PRDM16: variants seen among roughly 807,000 people sequenced by gnomAD.
The protein encoded by PRDM16 is PR/SET domain 16.
PRDM16 carries 23 observed loss-of-function variants against 110.6 expected under a neutral mutation model. The observed-to-expected ratio is 0.21, with a 90% confidence interval of 0.15 to 0.29. The LOEUF is 0.29. Ranked by LOEUF, PRDM16 falls within the 10% of genes least tolerant of loss-of-function variation. The pLI is 1.00. For missense variants in PRDM16, 1,615 were observed against 1,794.3 expected (o/e 0.90, Z 1.81); for synonymous variants, 799 against 781.8 (o/e 1.02, Z -0.37).
Position 3,437,243 on chromosome 1 carries a change from G to A in PRDM16, c.*3432G>A, listed in dbSNP as rs866907653. The A allele has an allele frequency of 6.0e-5, 14 of 232,820 alleles. No individual in the cohort carries two copies. The Admixed American group carries it at 6.2e-4, about 10-fold the overall frequency. The allele number at this position is 232,820 out of a possible 1,614,324, so 14.4% of individuals were successfully genotyped here. On this transcript the variant is annotated 3_prime_UTR_variant, in exon 17 of 17. Coordinates refer to ENST00000270722, the MANE Select transcript of PRDM16 (RefSeq NM_022114.4). ...CGTGCAGCTGTCCCATCCAGACCCC[G>A]ACTGGCCAAGACCTCCACGTCCCCA...
chr1:3,412,071 T>C lies in PRDM16; in HGVS notation c.1874T>C (p.Leu625Pro), dbSNP rs747255671. 60 of 1,601,890 alleles carry C rather than the reference T, an allele frequency of 3.7e-5. No individual in the cohort carries two copies. Among genetic ancestry groups the C allele is most frequent in the Non-Finnish European group, 4.9e-5 (58 of 1,172,592 alleles). The part of the protein sequence containing the change: ...LDTTTGTGSD[L>P]DSDVDSDPDK... ...ACGACCACGGGGACGGGCTCGGACCTGGACAGCGACGTGGACAGCGACCCT... is the reference window on the plus strand; with the variant it reads ...ACGACCACGGGGACGGGCTCGGACCCGGACAGCGACGTGGACAGCGACCCT... Residue 625 changes from leucine to proline, a missense_variant, in exon 9 of 17, where the codon CTG becomes CCG. Physicochemically the swap from Leu to Pro is moderately conservative, Grantham distance 98. Around this residue, in one of 5 missense-constraint regions of PRDM16, gnomAD observed 772 missense variants for 748.3 expected, o/e 1.03. Coordinates refer to ENST00000270722, the MANE Select transcript of PRDM16 (RefSeq NM_022114.4).
chr1:3,323,879 C>T (rs931110507), intron 3 of PRDM16, among the ~76,000 whole-genome samples: 1 of 152,224 alleles, frequency 6.6e-6, no homozygotes, highest in Non-Finnish European at 1.5e-5. Context: ...CCAGGGGCTC[C>T]CCCGGCTCTG....
At chr1:3,349,721 TG>T (rs1427573437) in intron 3 of PRDM16, among the ~76,000 whole-genome samples, 1 of 152,110 alleles carries the variant, frequency 6.6e-6, no homozygotes, top group Non-Finnish European at 1.5e-5. Context: ...TCCTGCGCTC[TG>T]GGGGTCTTCA....
intron 3 of PRDM16, among the ~76,000 whole-genome samples, chr1:3,346,722 T>G (rs957316685): frequency 9.2e-5 from 14 of 152,152 alleles, no homozygotes; most frequent in Non-Finnish European, 1.3e-4. Context: ...GGGTCACTTC[T>G]GGTGCCCAAC....
intron 1 of PRDM16, among the ~76,000 whole-genome samples, chr1:3,111,447 A>T (rs540115785): frequency 6.1e-4 from 2 of 3,264 alleles, no homozygotes; most frequent in Admixed American, 3.3e-3. Flanking sequence ...GTGTGGACCC[A>T]GTGCCACGCG....
At chr1:3,310,572 G>T (rs1311518714) in intron 3 of PRDM16, among the ~76,000 whole-genome samples, 1 of 152,120 alleles carries the variant, frequency 6.6e-6, no homozygotes, top group African/African-American at 2.4e-5. Flanking sequence ...CCTGGGGAGA[G>T]AATGTTTGAC....
At chr1:3,096,993 G>C (rs1410257776) in intron 1 of PRDM16, among the ~76,000 whole-genome samples, 1 of 152,018 alleles carries the variant, frequency 6.6e-6, no homozygotes. Flanking sequence ...GTAGAGTCTC[G>C]GCTCCCTCTG....
rs1402520000 is a variant in PRDM16, at chr1:3,176,570, T to C, written c.38-9555T>C. On this transcript the variant is annotated intron_variant, in intron 1 of 16. Coordinates refer to ENST00000270722, the MANE Select transcript of PRDM16 (RefSeq NM_022114.4). ...TTAACCCATCCATGCACTCATTCATTTATCCATTCTTCCTTCCTTCTGTCC... is the reference window on the plus strand; with the variant it reads ...TTAACCCATCCATGCACTCATTCATCTATCCATTCTTCCTTCCTTCTGTCC... Among the ~76,000 whole-genome samples, 235 of 128,824 alleles carry C rather than the reference T, an allele frequency of 1.8e-3. No individual in the cohort carries two copies. The Middle Eastern group carries it at 0.038, about 21-fold the overall frequency. The allele number at this position is 128,824 out of a possible 152,430, so 84.5% of individuals were successfully genotyped here.
intron 2 of PRDM16, among the ~76,000 whole-genome samples, chr1:3,239,567 A>G (rs1639614409): frequency 6.6e-6 from 1 of 152,148 alleles, no homozygotes; most frequent in African/African-American, 2.4e-5. Context: ...CAAGGAGAAG[A>G]GGCCTTGGAA....
At position 3,069,249 on chromosome 1, in the gene PRDM16, G is replaced by C; in HGVS notation, c.-11G>C. 1 of 1,576,690 alleles carries C rather than the reference G, an allele frequency of 6.3e-7. No individual in the cohort carries two copies. ...TCAAGGAGGAGGAGAGAGATTCCGC[G>C]AGCCGACACCATGCGATCCAAGGCG... On this transcript the variant is annotated 5_prime_UTR_variant, in exon 1 of 17. Coordinates refer to ENST00000270722, the MANE Select transcript of PRDM16 (RefSeq NM_022114.4). The surrounding 1 kb of genome is among the most constrained non-coding windows in gnomAD (Gnocchi z 6.1).
At position 3,277,172 on chromosome 1, in the gene PRDM16, C is replaced by T. The variant is rs1280204890; in HGVS notation, c.438+33035C>T. Among the ~76,000 whole-genome samples the T allele has an allele frequency of 2.6e-5, 4 of 152,246 alleles. No individual in the cohort carries two copies. The South Asian group carries it at 6.2e-4, about 24-fold the overall frequency. On this transcript the variant is annotated intron_variant, in intron 3 of 16. Transcript: ENST00000270722. ...CAAGAGCCAGGCCAGGAGGAGGCTT[C>T]GGGAGAGGCTGGGCCTGTGCTCAGG...
At chr1:3,400,663 G>C (rs907722170) in intron 5 of PRDM16, among the ~76,000 whole-genome samples, 1 of 152,202 alleles carries the variant, frequency 6.6e-6, no homozygotes, top group African/African-American at 2.4e-5. Context: ...GTGGGAAGTG[G>C]ACTGCGCAGG....
chr1:3,326,601 C>T (rs1410271056), intron 3 of PRDM16, among the ~76,000 whole-genome samples: 6 of 152,150 alleles, frequency 3.9e-5, no homozygotes, highest in African/African-American at 1.4e-4. Context: ...GATGACCGCC[C>T]GCACCCAGCC....
chr1:3,360,050 C>T (rs1419526659), intron 3 of PRDM16, among the ~76,000 whole-genome samples: 3 of 152,226 alleles, frequency 2.0e-5, no homozygotes, highest in East Asian at 3.9e-4. Context: ...ATCCCTTGTC[C>T]CCAACTGTCA....
chr1:3,164,484 C>T (rs577740861), intron 1 of PRDM16, among the ~76,000 whole-genome samples: 19 of 152,324 alleles, frequency 1.2e-4, no homozygotes, highest in Admixed American at 1.2e-3. Flanking sequence ...AAGAGGACGG[C>T]TTCCAGTCTT....
At chr1:3,320,113 G>A (rs1004556973) in intron 3 of PRDM16, among the ~76,000 whole-genome samples, 1 of 152,170 alleles carries the variant, frequency 6.6e-6, no homozygotes, top group African/African-American at 2.4e-5. Flanking sequence ...ACCGGGCAGG[G>A]TGTACACCTA....
intron 1 of PRDM16, among the ~76,000 whole-genome samples, chr1:3,131,234 C>T (rs902699812): frequency 5.3e-5 from 8 of 152,316 alleles, no homozygotes; most frequent in Admixed American, 3.9e-4. Context: ...AGACATTTCT[C>T]GTCATTGTCC....
intron 1 of PRDM16, among the ~76,000 whole-genome samples, chr1:3,162,540 C>T (rs956654539): frequency 6.6e-6 from 1 of 152,120 alleles, no homozygotes; most frequent in East Asian, 1.9e-4. Context: ...GTCGTCATTA[C>T]GGATTTATTA....
Position 3,080,981 on chromosome 1 carries a change from C to G in PRDM16, c.37+11685C>G, listed in dbSNP as rs1421863223. Among the ~76,000 whole-genome samples the G allele has an allele frequency of 6.6e-6, 1 of 151,724 alleles. No individual in the cohort carries two copies. The highest frequency in any genetic ancestry group is 1.9e-4 in the East Asian group (1 of 5,156). On this transcript the variant is annotated intron_variant, in intron 1 of 16. Coordinates refer to ENST00000270722, the MANE Select transcript of PRDM16 (RefSeq NM_022114.4). This position sits in a 1 kb window ranked among gnomAD's most constrained non-coding sequence, Gnocchi z 5.2. Reference sequence around the variant, plus strand: ...GGCGGGGGGGGTCTGCACATTCCGCCGAGTGTCCTCATGAACAAAAGGCCT... The same window carrying G: ...GGCGGGGGGGGTCTGCACATTCCGCGGAGTGTCCTCATGAACAAAAGGCCT...
Sources: allele counts gnomAD v4.1 joint callset (sites outside exome capture counted in the v4.1 genomes callset), GRCh38; gene constraint gnomAD v4.1.1; regional missense constraint gnomAD v4.1.1; non-coding constraint Gnocchi (gnomAD v3.1); transcripts MANE v1.5; gene names NCBI Gene and HGNC (gene_info 2026-07-23, HGNC 2026-07-21).